The following CA10 variants were observed in gnomAD, a reference collection of about 807,000 sequenced individuals.
CA10 encodes the protein carbonic anhydrase-related protein 10.
In CA10, 14 loss-of-function variants were observed where a neutral mutation model predicts 44.2. The observed-to-expected ratio is 0.32, with a 90% CI of 0.21 to 0.50. The LOEUF (loss-of-function observed/expected upper bound fraction) is 0.50. Ranked by LOEUF, CA10 falls within the 20% of genes least tolerant of loss-of-function variation. The pLI, the probability that CA10 is intolerant of heterozygous loss-of-function variation, is 0.99. For missense variants in CA10, 350 were observed against 409.7 expected (o/e 0.85, Z 1.26); for synonymous variants, 159 against 141.6 (o/e 1.12, Z -0.87).
intron 1 of CA10, among the ~76,000 whole-genome samples, chr17:52,096,167 T>C (rs1284266992): frequency 6.6e-6 from 1 of 152,124 alleles, no homozygotes; most frequent in African/African-American, 2.4e-5. Context: ...TAGGGGTACA[T>C]AGGCTGACAT....
chr17:51,867,687 CCAGT>C (rs1979613870), intron 3 of CA10, among the ~76,000 whole-genome samples: 1 of 152,194 alleles, frequency 6.6e-6, no homozygotes, highest in African/African-American at 2.4e-5. Flanking sequence ...TGGAAGGCAA[CCAGT>C]CAGTGATCTA....
intron 3 of CA10, among the ~76,000 whole-genome samples, chr17:51,788,661 AG>A (rs1567839886): frequency 6.6e-6 from 1 of 152,224 alleles, no homozygotes; most frequent in African/African-American, 2.4e-5. Context: ...CCTACTGTAG[AG>A]CATTTCCACA....
At chr17:52,014,391 G>T (rs1455020033) in intron 2 of CA10, among the ~76,000 whole-genome samples, 1 of 151,884 alleles carries the variant, frequency 6.6e-6, no homozygotes, top group East Asian at 1.9e-4. Flanking sequence ...TTAAGAATAG[G>T]CTATTTAACA....
At chr17:51,731,845 T>C (rs868459761) in intron 4 of CA10, among the ~76,000 whole-genome samples, 1 of 151,878 alleles carries the variant, frequency 6.6e-6, no homozygotes, top group Non-Finnish European at 1.5e-5. Flanking sequence ...ACCGGGCTAA[T>C]TGTATTTTTA....
At chr17:52,086,287 C>T (rs959144508) in intron 1 of CA10, among the ~76,000 whole-genome samples, 3 of 152,142 alleles carry the variant, frequency 2.0e-5, no homozygotes, top group African/African-American at 4.8e-5. Context: ...ATTTCTCATA[C>T]ATATAAATTT....
intron 4 of CA10, among the ~76,000 whole-genome samples, chr17:51,719,964 G>T (rs1427137272): frequency 6.6e-6 from 1 of 152,216 alleles, no homozygotes; most frequent in African/African-American, 2.4e-5. Context: ...ATAGGCTGGA[G>T]TTTGGTGCTC....
At chr17:51,776,634 G>A (rs1047961910) in intron 3 of CA10, among the ~76,000 whole-genome samples, 3 of 152,016 alleles carry the variant, frequency 2.0e-5, no homozygotes, top group African/African-American at 7.3e-5. Flanking sequence ...CATAAAACTT[G>A]TAGTTGAAAA....
At chr17:51,978,586 C>CA (rs1375880226) in intron 2 of CA10, among the ~76,000 whole-genome samples, 1 of 151,716 alleles carries the variant, frequency 6.6e-6, no homozygotes, top group Non-Finnish European at 1.5e-5. Flanking sequence ...AAAAAGTATA[C>CA]AAAAAATGTA....
intron 3 of CA10, among the ~76,000 whole-genome samples, chr17:51,852,140 G>A (rs2143825053): frequency 6.6e-6 from 1 of 152,254 alleles, no homozygotes; most frequent in South Asian, 2.1e-4. Context: ...ACCTTCCAGG[G>A]CCAGTGTTAG....
intron 3 of CA10, among the ~76,000 whole-genome samples, chr17:51,906,023 T>C (rs1413238586): frequency 6.6e-6 from 1 of 152,022 alleles, no homozygotes; most frequent in East Asian, 1.9e-4. Context: ...TACATTATCT[T>C]GCGTGGAGGA....
At chr17:51,965,281 A>G (rs902169321) in intron 2 of CA10, among the ~76,000 whole-genome samples, 3 of 151,900 alleles carry the variant, frequency 2.0e-5, no homozygotes, top group African/African-American at 4.8e-5. Flanking sequence ...AGAGAGATTC[A>G]CAGCTAAATT....
At chr17:51,732,517 G>A (rs1487522395) in intron 4 of CA10, among the ~76,000 whole-genome samples, 1 of 152,190 alleles carries the variant, frequency 6.6e-6, no homozygotes, top group Non-Finnish European at 1.5e-5. Flanking sequence ...TTGTCAGGCT[G>A]ATCTGAATAG....
At chr17:51,792,129 G>A (rs1452915929) in intron 3 of CA10, among the ~76,000 whole-genome samples, 1 of 152,112 alleles carries the variant, frequency 6.6e-6, no homozygotes, top group Non-Finnish European at 1.5e-5. Flanking sequence ...AGCTATCACA[G>A]GTAATTCTCA....
At chr17:52,034,155 A>C (rs375182245) in intron 2 of CA10, among the ~76,000 whole-genome samples, 46 of 152,332 alleles carry the variant, frequency 3.0e-4, no homozygotes, top group African/African-American at 1.1e-3. Context: ...TTGTATACTT[A>C]AATATTTGCT....
At chr17:51,726,461 G>A (rs532005369) in intron 4 of CA10, among the ~76,000 whole-genome samples, 14 of 152,240 alleles carry the variant, frequency 9.2e-5, no homozygotes, top group South Asian at 2.1e-4. Context: ...ACAAGAAAAC[G>A]ATAAGTGTGC....
chr17:51,739,951 G>A (rs1432975058), intron 4 of CA10, among the ~76,000 whole-genome samples: 4 of 152,034 alleles, frequency 2.6e-5, no homozygotes, highest in Admixed American at 2.6e-4. Context: ...AATTTTTCTG[G>A]TACACAGGTT....
rs184798569 is a variant in CA10 at position 52,065,948 on chromosome 17, A to T, written c.136+6371T>A. On this transcript the variant is annotated intron_variant, in intron 2 of 8. Coordinates refer to ENST00000451037, the MANE Select transcript of CA10 (RefSeq NM_020178.5). The stretch of plus-strand genomic sequence containing the variant: ...TTCTCTTGACAGTGAGTGAGTTTTC[A>T]TCGCATCCAGTTGTTCCTTCACTCA... Among the ~76,000 whole-genome samples, 8 of 152,304 alleles carry T rather than the reference A, an allele frequency of 5.3e-5. No homozygotes were observed. In the East Asian group the frequency reaches 1.5e-3, roughly 29 times the overall value.
At chr17:52,130,416 T>C (rs1006752195) in intron 1 of CA10, among the ~76,000 whole-genome samples, 3 of 152,130 alleles carry the variant, frequency 2.0e-5, no homozygotes, top group Non-Finnish European at 2.9e-5. Flanking sequence ...TGTCCATCAA[T>C]TGATGAATGA....
chr17:51,945,628 G>T (rs564180297), intron 2 of CA10, among the ~76,000 whole-genome samples: 1 of 152,126 alleles, frequency 6.6e-6, no homozygotes, highest in African/African-American at 2.4e-5. Flanking sequence ...CTCATTTCTT[G>T]GGACTGTCAT....
Sources: gnomAD v4.1 joint callset for allele counts (sites outside exome capture counted in the v4.1 genomes callset) on GRCh38, gnomAD v4.1.1 for gene constraint, MANE v1.5 for transcripts, NCBI Gene and HGNC (gene_info 2026-07-23, HGNC 2026-07-21) for gene names.